Variants in EXOC6B observed in about 807,000 individuals in gnomAD.
EXOC6B encodes SEC15 homolog B.
Under a neutral mutation model 113.5 loss-of-function variants are expected in EXOC6B, and 54 were observed. The ratio of observed to expected loss-of-function variants is 0.48; its 90% CI spans 0.38 to 0.60. EXOC6B has a LOEUF of 0.60. Ranked by LOEUF, EXOC6B falls within the 20% of genes least tolerant of loss-of-function variation. The pLI is 0.00. For missense variants in EXOC6B, 797 were observed against 977.5 expected (o/e 0.82, Z 2.46); for synonymous variants, 357 against 339.0 (o/e 1.05, Z -0.58).
chr2:72,624,861 A>G (rs1054262211), intron 6 of EXOC6B, among the ~76,000 whole-genome samples: 1 of 152,162 alleles, frequency 6.6e-6, no homozygotes. Context: ...TATCAAACCT[A>G]TAAAAGAAGA....
chr2:72,538,333 A>C (rs10206245), intron 8 of EXOC6B, among the ~76,000 whole-genome samples: 3,696 of 152,284 alleles, frequency 0.024, 156 homozygotes, highest in African/African-American at 0.084. Flanking sequence ...TCTGATAAGC[A>C]GCGATGTTCA....
chr2:72,788,659 G>A (rs553097821), intron 1 of EXOC6B, among the ~76,000 whole-genome samples: 1 of 152,188 alleles, frequency 6.6e-6, no homozygotes, highest in African/African-American at 2.4e-5. Flanking sequence ...TTAGCCAAGT[G>A]TGGTGGTATG....
At chr2:72,511,135 C>T (rs377144190) in intron 11 of EXOC6B, among the ~76,000 whole-genome samples, 1 of 152,058 alleles carries the variant, frequency 6.6e-6, no homozygotes, top group African/African-American at 2.4e-5. Flanking sequence ...TATACTATAA[C>T]AAAAACCATA....
At chr2:72,734,788 T>C (rs933152654) in intron 2 of EXOC6B, among the ~76,000 whole-genome samples, 1 of 152,078 alleles carries the variant, frequency 6.6e-6, no homozygotes, top group African/African-American at 2.4e-5. Flanking sequence ...TGGTTAGAAG[T>C]GAACACATTT....
chr2:72,623,110 C>T (rs1671845683), intron 6 of EXOC6B, among the ~76,000 whole-genome samples: 3 of 151,958 alleles, frequency 2.0e-5, no homozygotes, highest in Admixed American at 2.0e-4. Flanking sequence ...TAAGCTATCA[C>T]TTATGTATAG....
intron 19 of EXOC6B, among the ~76,000 whole-genome samples, chr2:72,374,561 A>G (rs1691237706): frequency 6.6e-6 from 1 of 152,076 alleles, no homozygotes; most frequent in South Asian, 2.1e-4. Flanking sequence ...CACAGTGTTG[A>G]GAGGGAAGGT....
intron 20 of EXOC6B, among the ~76,000 whole-genome samples, chr2:72,260,246 T>C (rs1290299059): frequency 2.6e-5 from 4 of 152,194 alleles, no homozygotes; most frequent in African/African-American, 9.6e-5. Context: ...GAACTATGTG[T>C]ATATCCAAGG....
chr2:72,214,470 G>C (rs545546700), intron 20 of EXOC6B, among the ~76,000 whole-genome samples: 2 of 143,042 alleles, frequency 1.4e-5, no homozygotes, highest in African/African-American at 5.5e-5. Context: ...TGGCCTGGGC[G>C]ACTGAGTGAG....
chr2:72,763,428 CTTTTTTT>C (rs869206848), intron 1 of EXOC6B, among the ~76,000 whole-genome samples: 1 of 141,228 alleles, frequency 7.1e-6, no homozygotes, highest in Non-Finnish European at 1.6e-5. Context: ...CGTGTTTTTT[CTTTTTTT>C]TTTTTTTCTT....
intron 20 of EXOC6B, among the ~76,000 whole-genome samples, chr2:72,279,414 T>G (rs575375764): frequency 6.6e-6 from 1 of 152,198 alleles, no homozygotes; most frequent in Non-Finnish European, 1.5e-5. Context: ...GATTTGGAAA[T>G]TTGGACCTTG....
intron 6 of EXOC6B, among the ~76,000 whole-genome samples, chr2:72,715,462 T>A (rs541206383): frequency 6.8e-6 from 1 of 147,868 alleles, no homozygotes; most frequent in African/African-American, 2.5e-5. Flanking sequence ...AATATGTACA[T>A]AAATATATAT....
At position 72,379,789 on chromosome 2, in the gene EXOC6B, C is replaced by A. The variant is rs2105063155; in HGVS notation, c.2062G>T (p.Val688Leu). 1 of 1,613,424 alleles carries A rather than the reference C, an allele frequency of 6.2e-7. No homozygotes were observed. The highest frequency in any genetic ancestry group is 8.5e-7 in the Non-Finnish European group (1 of 1,179,632). The change falls in exon 19 of 22, where the codon GTG becomes TTG. Residue 688 changes from valine (V) to leucine (L), a missense_variant. Val to Leu is a conservative substitution (Grantham distance 32). Coordinates refer to ENST00000272427, the MANE Select transcript of EXOC6B (RefSeq NM_015189.3). ...AATGCTCCCAAGGTGAGCTGCCGCA[C>A]TTCAGCTTCCAACAAAAGTTGCATC... ...SLMQLLLEAEVRQLTLGALQQ... is the reference protein window; with the variant it reads ...SLMQLLLEAELRQLTLGALQQ...
chr2:72,348,408 GA>G (rs1463368307), intron 19 of EXOC6B, among the ~76,000 whole-genome samples: 7 of 152,096 alleles, frequency 4.6e-5, no homozygotes, highest in Admixed American at 3.9e-4. Context: ...TGCCCTCTTA[GA>G]TAATGAGAGA....
chr2:72,500,134 A>G (rs1233917169), intron 11 of EXOC6B, among the ~76,000 whole-genome samples, 162 bp from the exon 12 acceptor site: 1 of 152,232 alleles, frequency 6.6e-6, no homozygotes, highest in East Asian at 1.9e-4. Context: ...AGGTAACACC[A>G]GGTTCAGCCA....
chr2:72,376,656 T>C (rs999555756), intron 19 of EXOC6B, among the ~76,000 whole-genome samples: 1 of 152,174 alleles, frequency 6.6e-6, no homozygotes, highest in Non-Finnish European at 1.5e-5. Flanking sequence ...GTCCATCTTA[T>C]CTTTTAAATT....
chr2:72,221,444 ACT>A (rs2104426934), intron 20 of EXOC6B, among the ~76,000 whole-genome samples: 1 of 152,238 alleles, frequency 6.6e-6, no homozygotes, highest in Non-Finnish European at 1.5e-5. Context: ...AATCAGGCCT[ACT>A]CTGACTACAG....
At chr2:72,593,637 G>C (rs947856321) in intron 6 of EXOC6B, among the ~76,000 whole-genome samples, 7 of 123,574 alleles carry the variant, frequency 5.7e-5, no homozygotes, top group African/African-American at 2.5e-4. Flanking sequence ...AAACCAATAG[G>C]GATCTTAAAA....
At chr2:72,455,690 A>G (rs1697187420) in intron 18 of EXOC6B, among the ~76,000 whole-genome samples, 1 of 152,156 alleles carries the variant, frequency 6.6e-6, no homozygotes, top group Non-Finnish European at 1.5e-5. Flanking sequence ...GAGAATAACA[A>G]TGTTTTCAGA....
At chr2:72,344,355 C>T (rs766301255) in intron 19 of EXOC6B, among the ~76,000 whole-genome samples, 9 of 151,940 alleles carry the variant, frequency 5.9e-5, no homozygotes, top group Non-Finnish European at 1.3e-4. Flanking sequence ...TCACATCTTT[C>T]TTTAGTTCTT....
Sources: allele counts gnomAD v4.1 joint callset (sites outside exome capture counted in the v4.1 genomes callset), GRCh38; gene constraint gnomAD v4.1.1; transcripts MANE v1.5; gene names NCBI Gene and HGNC (gene_info 2026-07-23, HGNC 2026-07-21).